The following ZNF521 variants were observed in gnomAD, a reference collection of about 807,000 sequenced individuals.
ZNF521 encodes the protein LYST-interacting protein 3.
A neutral mutation model predicts 105.5 loss-of-function variants in ZNF521; 14 were observed. The observed-to-expected ratio is 0.13, with a 90% CI of 0.09 to 0.21. ZNF521 has a LOEUF of 0.21. Among genes scored for constraint, ZNF521 ranks in the 10% least tolerant of loss-of-function variants. The probability of loss-of-function intolerance (pLI) is 1.00; values close to 1 mark genes in which losing one functional copy is unlikely to be tolerated. For synonymous variants in ZNF521, 635 were observed against 606.0 expected (o/e 1.05, Z -0.70); for missense variants, 1,233 against 1,629.7 (o/e 0.76, Z 4.19).
chr18:25,233,232 T>TAA (rs140916176), intron 3 of ZNF521, among the ~76,000 whole-genome samples: 2 of 151,260 alleles, frequency 1.3e-5, no homozygotes, highest in South Asian at 2.1e-4. Context: ...AAGGTCATGC[T>TAA]AAAAAAAAAC....
chr18:25,127,908 AC>A (rs2034566356), intron 5 of ZNF521, among the ~76,000 whole-genome samples: 1 of 152,074 alleles, frequency 6.6e-6, no homozygotes, highest in Admixed American at 6.6e-5. Flanking sequence ...GAAACAAATG[AC>A]ACCAATTCTC....
At chr18:25,166,862 TTTGA>T (rs1175530697) in intron 5 of ZNF521, among the ~76,000 whole-genome samples, 1 of 152,216 alleles carries the variant, frequency 6.6e-6, no homozygotes, top group East Asian at 1.9e-4. Flanking sequence ...TGGTGCAGTA[TTTGA>T]TTTAGTTCGT....
intron 7 of ZNF521, among the ~76,000 whole-genome samples, chr18:25,065,253 G>C (rs2144099313): frequency 6.6e-6 from 1 of 152,100 alleles, no homozygotes; most frequent in African/African-American, 2.4e-5. Context: ...CCTCCAAATG[G>C]GAAAATCCAA....
chr18:25,236,131 G>C (rs1906873534), intron 3 of ZNF521, among the ~76,000 whole-genome samples: 1 of 152,192 alleles, frequency 6.6e-6, no homozygotes, highest in Non-Finnish European at 1.5e-5. Context: ...TCGCTAGTGA[G>C]TACACCCAGC....
chr18:25,176,863 G>A (rs1405207240), intron 5 of ZNF521, among the ~76,000 whole-genome samples: 2 of 152,218 alleles, frequency 1.3e-5, no homozygotes, highest in Non-Finnish European at 2.9e-5. Context: ...ACGTGCGCGT[G>A]CACGCACACA....
intron 2 of ZNF521, among the ~76,000 whole-genome samples, chr18:25,347,927 G>A (rs1914533957): frequency 6.6e-6 from 1 of 152,136 alleles, no homozygotes; most frequent in Non-Finnish European, 1.5e-5. Context: ...GACAGAAGTT[G>A]GAAATTCAGT....
chr18:25,340,623 A>G (rs1337797908), intron 2 of ZNF521, among the ~76,000 whole-genome samples: 1 of 152,230 alleles, frequency 6.6e-6, no homozygotes, highest in Non-Finnish European at 1.5e-5. Flanking sequence ...CAATTTCTCA[A>G]CATAAGAATT....
At chr18:25,244,683 T>C (rs914235635) in intron 3 of ZNF521, among the ~76,000 whole-genome samples, 1 of 152,268 alleles carries the variant, frequency 6.6e-6, no homozygotes. Flanking sequence ...GGTATCTTTA[T>C]GTGAACTGCA....
At chr18:25,101,091 C>T (rs568797694) in intron 5 of ZNF521, among the ~76,000 whole-genome samples, 1 of 152,280 alleles carries the variant, frequency 6.6e-6, no homozygotes, top group African/African-American at 2.4e-5. Flanking sequence ...TAAATAAACG[C>T]CCCCATGTTT....
chr18:25,270,059 G>C (rs1464860167), intron 3 of ZNF521, among the ~76,000 whole-genome samples: 7 of 152,092 alleles, frequency 4.6e-5, no homozygotes, highest in African/African-American at 1.4e-4. Flanking sequence ...AAAGAAAAGA[G>C]AGAATAATCA....
Position 25,329,225 on chromosome 18 carries a change from G to C in ZNF521, c.41-7038C>G, listed in dbSNP as rs571847312. Among the ~76,000 whole-genome samples, 18 of 152,252 alleles carry C rather than the reference G, an allele frequency of 1.2e-4. 1 individual carries two copies. The highest frequency in any genetic ancestry group is 2.5e-4 in the Non-Finnish European group (17 of 68,028). Reference sequence around the variant, plus strand: ...CCTCAAGGTGACCAGGCACAGCTTGGGGTGACTGGAAACTGCAAGTCTGTC... The same window carrying C: ...CCTCAAGGTGACCAGGCACAGCTTGCGGTGACTGGAAACTGCAAGTCTGTC... On this transcript the variant is annotated intron_variant, in intron 2 of 7. Transcript: ENST00000361524.
At chr18:25,171,794 A>G (rs10853651) in intron 5 of ZNF521, among the ~76,000 whole-genome samples, 76,520 of 151,866 alleles carry the variant, frequency 0.5, 19,730 homozygotes, top group East Asian at 0.64. Context: ...ATTAAAAATC[A>G]GCAAAAAATT....
intron 3 of ZNF521, among the ~76,000 whole-genome samples, chr18:25,244,309 C>T (rs1415307611): frequency 6.6e-6 from 1 of 151,508 alleles, no homozygotes; most frequent in African/African-American, 2.4e-5. Flanking sequence ...CACACACACA[C>T]ACACTCTCAC....
chr18:25,135,963 T>C (rs1158282059), intron 5 of ZNF521, among the ~76,000 whole-genome samples: 1 of 152,160 alleles, frequency 6.6e-6, no homozygotes, highest in Non-Finnish European at 1.5e-5. Flanking sequence ...GTGAAGGCTT[T>C]TGAAAGATTA....
At chr18:25,280,671 C>G (rs1036565736) in intron 3 of ZNF521, among the ~76,000 whole-genome samples, 1 of 152,098 alleles carries the variant, frequency 6.6e-6, no homozygotes, top group Non-Finnish European at 1.5e-5. Context: ...AGATTTTGGG[C>G]AAACTAGAAG....
At chr18:25,125,112 A>T (rs1387896412) in intron 5 of ZNF521, among the ~76,000 whole-genome samples, 1 of 152,054 alleles carries the variant, frequency 6.6e-6, no homozygotes, top group Non-Finnish European at 1.5e-5. Context: ...GTATAAATTC[A>T]CCCTCCACAT....
chr18:25,267,715 C>T (rs1180506757), intron 3 of ZNF521, among the ~76,000 whole-genome samples: 1 of 152,132 alleles, frequency 6.6e-6, no homozygotes, highest in African/African-American at 2.4e-5. Context: ...AACTAACAAA[C>T]AGAAAAGAAA....
At chr18:25,349,954 C>T (rs1266106627) in intron 2 of ZNF521, among the ~76,000 whole-genome samples, 2 of 151,692 alleles carry the variant, frequency 1.3e-5, no homozygotes, top group African/African-American at 2.4e-5. Flanking sequence ...CTCTCCGCCT[C>T]GGAGCGCCGG....
chr18:25,281,694 C>G (rs1173351425), intron 3 of ZNF521, among the ~76,000 whole-genome samples: 1 of 152,186 alleles, frequency 6.6e-6, no homozygotes, highest in Admixed American at 6.5e-5. Context: ...TTCCCCAAAT[C>G]ACGTGACTAT....
Sources: allele counts gnomAD v4.1 joint callset (sites outside exome capture counted in the v4.1 genomes callset), GRCh38; gene constraint gnomAD v4.1.1; transcripts MANE v1.5; gene names NCBI Gene and HGNC (gene_info 2026-07-23, HGNC 2026-07-21).